NTSR1: variants seen among roughly 807,000 people sequenced by gnomAD.
NTSR1 encodes neurotensin receptor type 1.
A neutral mutation model predicts 31.2 loss-of-function variants in NTSR1; 29 were observed. The observed-to-expected ratio is 0.93, with a 90% CI of 0.69 to 1.27. The LOEUF (loss-of-function observed/expected upper bound fraction) is 1.27. Ranked by LOEUF, NTSR1 falls within the 50% of genes most tolerant of loss-of-function variation. The pLI is 0.00. For synonymous variants in NTSR1, 282 were observed against 269.9 expected (o/e 1.04, Z -0.44); for missense variants, 697 against 595.4 (o/e 1.17, Z -1.78).
At chr20:62,726,370 T>C (rs1988906847) in intron 1 of NTSR1, among the ~76,000 whole-genome samples, 1 of 152,208 alleles carries the variant, frequency 6.6e-6, no homozygotes, top group Non-Finnish European at 1.5e-5. Context: ...CTGTTTTCAT[T>C]TCTCCTGCCC....
At chr20:62,736,229 G>C (rs1989089595) in intron 1 of NTSR1, among the ~76,000 whole-genome samples, 1 of 152,220 alleles carries the variant, frequency 6.6e-6, no homozygotes, top group South Asian at 2.1e-4. Context: ...CCATGGAGCA[G>C]GGCGGGAAGG....
chr20:62,735,835 G>A (rs1015438786), intron 1 of NTSR1, among the ~76,000 whole-genome samples: 2 of 152,318 alleles, frequency 1.3e-5, no homozygotes, highest in Non-Finnish European at 2.9e-5. Flanking sequence ...TGTGCAGGGG[G>A]CGGGAGCAGC....
At chr20:62,731,179 G>T (rs759045309) in intron 1 of NTSR1, among the ~76,000 whole-genome samples, 12 of 152,104 alleles carry the variant, frequency 7.9e-5, no homozygotes, top group Non-Finnish European at 1.5e-4. Flanking sequence ...CCGCCTCCCG[G>T]GTTCAAGTGA....
chr20:62,760,453 C>T lies in NTSR1; in HGVS notation c.*186C>T. ...TGTTTCTCATTAGTGTCTCCCGGGCCTGTCCCCAACTCCTCCCCACCCCTC... is the reference window on the plus strand; with the variant it reads ...TGTTTCTCATTAGTGTCTCCCGGGCTTGTCCCCAACTCCTCCCCACCCCTC... On this transcript the variant is annotated 3_prime_UTR_variant, in exon 4 of 4. Coordinates refer to ENST00000370501, the MANE Select transcript of NTSR1 (RefSeq NM_002531.3). 1 of 570,388 alleles carries T rather than the reference C, an allele frequency of 1.8e-6. No individual in the cohort carries two copies. 35.3% of individuals were successfully genotyped at this position (570,388 alleles called of 1,614,324 possible). A position where few individuals can be genotyped will look rare whatever the true frequency, so the allele number is the denominator to read the frequency against.
At chr20:62,721,360 T>A (rs1988825461) in intron 1 of NTSR1, among the ~76,000 whole-genome samples, 1 of 152,224 alleles carries the variant, frequency 6.6e-6, no homozygotes, top group Non-Finnish European at 1.5e-5. Context: ...TCCTTGAGAG[T>A]TAGTCCCATT....
At chr20:62,753,520 C>T (rs551430487) in intron 1 of NTSR1, among the ~76,000 whole-genome samples, 261 of 152,310 alleles carry the variant, frequency 1.7e-3, no homozygotes, top group Non-Finnish European at 2.4e-3. Flanking sequence ...TAGTACAGGC[C>T]GCTTCTCCAA....
At chr20:62,716,588 G>C (rs6062456) in intron 1 of NTSR1, among the ~76,000 whole-genome samples, 7 of 64,174 alleles carry the variant, frequency 1.1e-4, no homozygotes, top group Non-Finnish European at 2.7e-4. Context: ...ATTTCAGCGC[G>C]TGTTAGTCCT....
At chr20:62,718,930 T>C (rs2427408) in intron 1 of NTSR1, among the ~76,000 whole-genome samples, 110,982 of 152,028 alleles carry the variant, frequency 0.73, 41,797 homozygotes, top group East Asian at 0.95. Context: ...TGTTTGCCAG[T>C]GTTTCCTAAG....
chr20:62,760,059 A>G lies in NTSR1; in HGVS notation c.1049A>G (p.Asn350Ser). The change falls in exon 4 of 4, where the codon AAC (asparagine) becomes AGC (serine). Residue 350 changes from asparagine to serine, a missense_variant. Asn to Ser is a conservative substitution (Grantham distance 46, BLOSUM62 1). Transcript: ENST00000370501. ...DFYHYFYMVT[N>S]ALFYVSSTIN... ...TACCACTACTTCTACATGGTGACCA[A>G]CGCACTCTTCTACGTCAGCTCCACC... 1 of 1,614,042 alleles carries G rather than the reference A, an allele frequency of 6.2e-7. No individual in the cohort carries two copies.
At chr20:62,727,965 G>A (rs545647347) in intron 1 of NTSR1, among the ~76,000 whole-genome samples, 2 of 152,370 alleles carry the variant, frequency 1.3e-5, no homozygotes, top group South Asian at 4.1e-4. Context: ...ACAGCAGATG[G>A]TGCTGGGGAC....
chr20:62,746,049 G>T (rs1023344350), intron 1 of NTSR1, among the ~76,000 whole-genome samples: 2 of 152,234 alleles, frequency 1.3e-5, no homozygotes, highest in African/African-American at 4.8e-5. Context: ...GAGACGCCTA[G>T]AGAGGTAGAC....
intron 1 of NTSR1, among the ~76,000 whole-genome samples, chr20:62,731,031 C>T (rs189206069): frequency 2.0e-3 from 308 of 152,258 alleles, no homozygotes; most frequent in African/African-American, 7.1e-3. Context: ...CTTGTCTTCT[C>T]ATTCGTTTAA....
chr20:62,755,975 C>T (rs975767082), intron 2 of NTSR1, among the ~76,000 whole-genome samples: 2 of 148,712 alleles, frequency 1.3e-5, no homozygotes, highest in Admixed American at 6.7e-5. Flanking sequence ...ATCCATCTCT[C>T]TGTCCATCTG....
Position 62,754,879 on chromosome 20 carries a change from C to A in NTSR1, c.909C>A (p.Arg303=). 6.3e-7 allele frequency: 1 copy of A among 1,597,818 alleles called. No individual in the cohort carries two copies. The highest frequency in any genetic ancestry group is 8.5e-7 in the Non-Finnish European group (1 of 1,176,598). The change falls in exon 2 of 4, where the codon CGC becomes CGA. Residue 303 remains arginine (R), a synonymous_variant. Coordinates refer to ENST00000370501, the MANE Select transcript of NTSR1 (RefSeq NM_002531.3). ...GRVQALRHGV[R]VLRAVVIAFV... is the part of the protein sequence containing the mutation. ...TCCAGGCCCTGCGGCACGGCGTGCG[C>A]GTCCTACGTACGTAACCTCTGGGCC...
In NTSR1 at chr20:62,732,851, T is replaced by C. The variant is rs1989022231; in HGVS notation, c.715-21834T>C. 6.6e-6 allele frequency: 1 copy of C among 152,204 alleles called. No homozygotes were observed. Among genetic ancestry groups the C allele is most frequent in the African/African-American group, 2.4e-5 (1 of 41,434 alleles). The allele number at this position is 152,204 out of a possible 1,614,324, so 9.4% of individuals were successfully genotyped here. A position where few individuals can be genotyped will look rare whatever the true frequency, so the allele number is the denominator to read the frequency against. On this transcript the variant is annotated intron_variant, in intron 1 of 3. Transcript: ENST00000370501. This position sits in a 1 kb window ranked among gnomAD's most constrained non-coding sequence, Gnocchi z 4.0. ...CCTGCGTGGCTCCAGGCACGCTGGT[T>C]CCCCATCTGACCCTCCGCTTGCTTT...
chr20:62,740,388 G>A (rs923969004), intron 1 of NTSR1, among the ~76,000 whole-genome samples: 21 of 149,996 alleles, frequency 1.4e-4, no homozygotes, highest in Admixed American at 3.3e-4. Context: ...AGCCGCACAG[G>A]CCGGAAGGAA....
intron 1 of NTSR1, among the ~76,000 whole-genome samples, chr20:62,731,186 GTGATTCTCC>G (rs1988996796): frequency 6.6e-6 from 1 of 152,186 alleles, no homozygotes; most frequent in Non-Finnish European, 1.5e-5. Flanking sequence ...CCGGGTTCAA[GTGATTCTCC>G]TGCCTCAGCC....
chr20:62,718,006 G>C (rs756089816), intron 1 of NTSR1, among the ~76,000 whole-genome samples: 1 of 152,156 alleles, frequency 6.6e-6, no homozygotes, highest in Non-Finnish European at 1.5e-5. Flanking sequence ...GGTGGGCGTC[G>C]GGGAAGATGC....
chr20:62,754,851 G>T lies in NTSR1; in HGVS notation c.881G>T (p.Arg294Met), dbSNP rs1989455961. 1 of 1,606,690 alleles carries T rather than the reference G, an allele frequency of 6.2e-7. No individual in the cohort carries two copies. Among genetic ancestry groups the T allele is most frequent in the Non-Finnish European group, 8.5e-7 (1 of 1,179,420 alleles). The change falls in exon 2 of 4, where the codon AGG becomes ATG. Residue 294 changes from arginine (R) to methionine (M), a missense_variant. Coordinates refer to ENST00000370501, the MANE Select transcript of NTSR1 (RefSeq NM_002531.3). ...TTCAGCATGGCCATCGAGCCTGGCA[G>T]GGTCCAGGCCCTGCGGCACGGCGTG... ...STFSMAIEPGRVQALRHGVRV... is the reference protein window; with the variant it reads ...STFSMAIEPGMVQALRHGVRV...
Sources: gnomAD v4.1 joint callset for allele counts (sites outside exome capture counted in the v4.1 genomes callset) on GRCh38, gnomAD v4.1.1 for gene constraint, Gnocchi (gnomAD v3.1) non-coding constraint, MANE v1.5 for transcripts, NCBI Gene and HGNC (gene_info 2026-07-23, HGNC 2026-07-21) for gene names.